Variants in LNX2 observed in about 807,000 individuals in gnomAD.
LNX2 encodes ligand of Numb protein X 2.
In LNX2, 35 loss-of-function variants were observed where a neutral mutation model predicts 66.2. The ratio of observed to expected loss-of-function variants is 0.53; its 90% CI spans 0.40 to 0.70. The LOEUF (loss-of-function observed/expected upper bound fraction) is 0.70. Ranked by LOEUF, LNX2 falls within the 30% of genes least tolerant of loss-of-function variation. The probability of loss-of-function intolerance (pLI) is 0.00; values close to 1 mark genes in which losing one functional copy is unlikely to be tolerated. For missense variants in LNX2, 791 were observed against 850.8 expected (o/e 0.93, Z 0.87); for synonymous variants, 337 against 315.6 (o/e 1.07, Z -0.72).
At chr13:27,570,663 A>T (rs1955268172) in intron 2 of LNX2, among the ~76,000 whole-genome samples, 1 of 152,220 alleles carries the variant, frequency 6.6e-6, no homozygotes, top group Non-Finnish European at 1.5e-5. Context: ...GTTTAATTCG[A>T]AATATATTTT....
intron 2 of LNX2, among the ~76,000 whole-genome samples, chr13:27,572,319 TAGC>T (rs1437220206): frequency 6.6e-6 from 1 of 152,168 alleles, no homozygotes; most frequent in Non-Finnish European, 1.5e-5. Flanking sequence ...TGACTCAGTG[TAGC>T]AGGAGACTAG....
At chr13:27,575,453 T>G (rs1432035725) in intron 2 of LNX2, among the ~76,000 whole-genome samples, 1 of 152,182 alleles carries the variant, frequency 6.6e-6, no homozygotes, top group East Asian at 1.9e-4. Context: ...CTCCCCAATG[T>G]GGTTGCATCA....
At chr13:27,616,179 TG>T (rs1373290558) in intron 1 of LNX2, among the ~76,000 whole-genome samples, 1 of 16,522 alleles carries the variant, frequency 6.1e-5, no homozygotes, top group Non-Finnish European at 1.3e-4. Flanking sequence ...GGGGGTGGGG[TG>T]GGGGGTTGGG....
In LNX2 at chr13:27,581,788, G is replaced by T; in HGVS notation, c.-85C>A. On this transcript the variant is annotated 5_prime_UTR_variant, in exon 2 of 10. Transcript: ENST00000316334. ...ACAGACAGTGATGTATCTGACTAAA[G>T]TCAAGGTGTGTTTTTCTAGATAAGC... 8.8e-7 allele frequency: 1 copy of T among 1,139,372 alleles called. No individual in the cohort carries two copies. Among genetic ancestry groups the T allele is most frequent in the Non-Finnish European group, 1.2e-6 (1 of 812,558 alleles). 70.6% of individuals were successfully genotyped at this position (1,139,372 alleles called of 1,614,324 possible).
In LNX2 at chr13:27,571,467, G is replaced by A. The variant is rs1955279045; in HGVS notation, c.408-2191C>T. On this transcript the variant is annotated intron_variant, in intron 2 of 9. Coordinates refer to ENST00000316334, the MANE Select transcript of LNX2 (RefSeq NM_153371.4). ...GGCTTAAAGGAAAAAAAGAGTTGGG[G>A]TAGACACTCAAAACCGTGTATCGGG... Among the ~76,000 whole-genome samples the A allele has an allele frequency of 2.0e-5, 3 of 152,120 alleles. 1 individual carries two copies. The South Asian group carries it at 6.2e-4, about 31-fold the overall frequency.
chr13:27,556,803 TTGACAGA>T (rs1416559409), intron 6 of LNX2, among the ~76,000 whole-genome samples: 1 of 152,178 alleles, frequency 6.6e-6, no homozygotes, highest in Non-Finnish European at 1.5e-5. Context: ...CCCCATTTCT[TTGACAGA>T]AAAGTTGACA....
At chr13:27,552,117 T>G (rs1955014984) in intron 8 of LNX2, among the ~76,000 whole-genome samples, 1 of 152,236 alleles carries the variant, frequency 6.6e-6, no homozygotes, top group Non-Finnish European at 1.5e-5. Context: ...ATCTTTGCTA[T>G]TATGCCTGGC....
At chr13:27,617,073 A>T (rs938806822) in intron 1 of LNX2, among the ~76,000 whole-genome samples, 2 of 152,206 alleles carry the variant, frequency 1.3e-5, no homozygotes. Flanking sequence ...ATAACTTCTT[A>T]GAAGGCTAAT....
intron 4 of LNX2, among the ~76,000 whole-genome samples, 200 bp from the exon 5 acceptor site, chr13:27,562,981 C>T (rs1263013733): frequency 2.6e-5 from 4 of 152,152 alleles, no homozygotes; most frequent in African/African-American, 9.7e-5. Flanking sequence ...CTTACAGTGA[C>T]TAGCATCAAG....
intron 7 of LNX2, among the ~76,000 whole-genome samples, chr13:27,554,571 C>T (rs1955037718): frequency 6.6e-6 from 1 of 152,142 alleles, no homozygotes; most frequent in Non-Finnish European, 1.5e-5. Flanking sequence ...TACTTCAGTC[C>T]TTTTCATGGC....
intron 8 of LNX2, 73 bp from the exon 9 acceptor site, chr13:27,550,564 C>A: frequency 1.8e-6 from 2 of 1,109,462 alleles, no homozygotes; most frequent in East Asian, 2.5e-5. Flanking sequence ...TGTTATAACC[C>A]CATACCATGT....
intron 1 of LNX2, among the ~76,000 whole-genome samples, chr13:27,608,538 C>G (rs10492488): frequency 6.6e-6 from 1 of 151,932 alleles, no homozygotes; most frequent in Admixed American, 6.6e-5. Flanking sequence ...TAAAAATATA[C>G]ACTGCGATTT....
At chr13:27,560,052 A>C in intron 5 of LNX2, 67 bp from the exon 6 acceptor site, 2 of 1,350,030 alleles carry the variant, frequency 1.5e-6, no homozygotes, top group South Asian at 1.7e-5. Flanking sequence ...GATTACACAC[A>C]GTGTAATTTT....
At chr13:27,584,407 A>G (rs114943914) in intron 1 of LNX2, among the ~76,000 whole-genome samples, 15,820 of 145,858 alleles carry the variant, frequency 0.11, 1,009 homozygotes, top group East Asian at 0.28. Context: ...AAAAAAAAAT[A>G]GCTGAGCATG....
chr13:27,582,711 G>A (rs1158991849), intron 1 of LNX2, among the ~76,000 whole-genome samples: 1 of 152,074 alleles, frequency 6.6e-6, no homozygotes, highest in Admixed American at 6.5e-5. Context: ...TGGACACAGG[G>A]AGGGGAACAT....
At position 27,562,571 on chromosome 13, in the gene LNX2, C is replaced by G; in HGVS notation, c.1066G>C (p.Val356Leu). Residue 356 changes from valine (V) to leucine (L), a missense_variant, in exon 5 of 10, where the codon GTG becomes CTG. Val to Leu is a conservative substitution (Grantham distance 32). Transcript: ENST00000316334. ...ACCCCTGGCTCATCTGTCCTTCGCACCAATTTAATGCCAAGCTGTTCACCA... is the reference window on the plus strand; with the variant it reads ...ACCCCTGGCTCATCTGTCCTTCGCAGCAATTTAATGCCAAGCTGTTCACCA... Reference protein sequence around the residue: ...DSGEQLGIKLVRRTDEPGVFI... With the variant: ...DSGEQLGIKLLRRTDEPGVFI... 3 of 1,614,152 alleles carry G rather than the reference C, an allele frequency of 1.9e-6. No individual in the cohort carries two copies. The highest frequency in any genetic ancestry group is 1.1e-5 in the South Asian group (1 of 91,078).
chr13:27,562,759 T>C lies in LNX2; in HGVS notation c.878A>G (p.Asn293Ser). The change falls in exon 5 of 10, where the codon AAT (asparagine) becomes AGT (serine). Residue 293 changes from asparagine to serine, a missense_variant. Physicochemically the swap from Asn to Ser is conservative, Grantham distance 46 (BLOSUM62 1). Coordinates refer to ENST00000316334, the MANE Select transcript of LNX2 (RefSeq NM_153371.4). Reference protein sequence around the residue: ...ILQVNNYNISNVSHNYARAVL... With the variant: ...ILQVNNYNISSVSHNYARAVL... ...AGCTCGGGCATAGTTATGGGACACATTGCTGATATTGTAGTTGTTGACCTA... is the reference window on the plus strand; with the variant it reads ...AGCTCGGGCATAGTTATGGGACACACTGCTGATATTGTAGTTGTTGACCTA... The C allele has an allele frequency of 5.6e-6, 9 of 1,611,324 alleles. No homozygotes were observed. The highest frequency in any genetic ancestry group is 7.6e-6 in the Non-Finnish European group (9 of 1,178,136).
intron 6 of LNX2, among the ~76,000 whole-genome samples, 193 bp downstream of exon 6, chr13:27,559,649 A>G (rs1955104651): frequency 2.0e-5 from 3 of 152,328 alleles, no homozygotes; most frequent in South Asian, 4.1e-4. Flanking sequence ...TTTCCAAGGT[A>G]GCAAAACATA....
intron 1 of LNX2, among the ~76,000 whole-genome samples, chr13:27,599,068 C>G (rs1017992820): frequency 6.6e-6 from 1 of 152,126 alleles, no homozygotes; most frequent in African/African-American, 2.4e-5. Flanking sequence ...TTTGTATCCA[C>G]AGAATTCAAT....
Sources: allele counts gnomAD v4.1 joint callset (sites outside exome capture counted in the v4.1 genomes callset), GRCh38; gene constraint gnomAD v4.1.1; transcripts MANE v1.5; gene names NCBI Gene and HGNC (gene_info 2026-07-23, HGNC 2026-07-21).